Variants in ARHGEF28 observed in about 807,000 individuals in gnomAD.
ARHGEF28 encodes the protein Rho guanine nucleotide exchange factor 28.
ARHGEF28 carries 152 observed loss-of-function variants against 206.6 expected under a neutral mutation model. The ratio of observed to expected loss-of-function variants is 0.74; its 90% CI spans 0.64 to 0.84. ARHGEF28 has a LOEUF of 0.84. Ranked by LOEUF, ARHGEF28 falls within the 40% of genes least tolerant of loss-of-function variation. ARHGEF28 has a pLI of 0.00. For missense variants in ARHGEF28, 2,028 were observed against 2,073.2 expected (o/e 0.98, Z 0.42); for synonymous variants, 763 against 776.4 (o/e 0.98, Z 0.29).
At chr5:73,900,973 G>T in intron 30 of ARHGEF28, 1 of 464,996 alleles carries the variant, frequency 2.2e-6, no homozygotes, top group Non-Finnish European at 4.0e-6. Flanking sequence ...TTCGTCAGTT[G>T]CTGTCTGTTA....
At chr5:73,900,331 T>A (rs893490464) in intron 30 of ARHGEF28, 3 of 152,236 alleles carry the variant, frequency 2.0e-5, no homozygotes, top group African/African-American at 7.2e-5. Flanking sequence ...GGATTGGACA[T>A]GGTTCTAATA....
intron 9 of ARHGEF28, among the ~76,000 whole-genome samples, chr5:73,827,645 C>G (rs1756995929): frequency 1.3e-5 from 2 of 152,194 alleles, no homozygotes; most frequent in South Asian, 4.1e-4. Context: ...ATGCTTTTAA[C>G]CACTGCAACA....
chr5:73,910,619 A>G (rs1762845423), intron 34 of ARHGEF28, among the ~76,000 whole-genome samples: 1 of 152,142 alleles, frequency 6.6e-6, no homozygotes, highest in African/African-American at 2.4e-5. Context: ...TAGCTTTTAG[A>G]AGATCAATTA....
At chr5:73,645,084 G>A (rs1744348165) in intron 1 of ARHGEF28, among the ~76,000 whole-genome samples, 1 of 152,186 alleles carries the variant, frequency 6.6e-6, no homozygotes, top group South Asian at 2.1e-4. Context: ...AGGTAGGTCA[G>A]ATTTGATCGT....
chr5:73,654,526 G>T (rs1158581354), intron 1 of ARHGEF28, among the ~76,000 whole-genome samples: 2 of 152,174 alleles, frequency 1.3e-5, no homozygotes, highest in East Asian at 1.9e-4. Flanking sequence ...GTCTGAAAGT[G>T]GGGGGACCAG....
chr5:73,649,530 G>A (rs1256833787), intron 1 of ARHGEF28, among the ~76,000 whole-genome samples: 3 of 152,238 alleles, frequency 2.0e-5, no homozygotes, highest in African/African-American at 7.2e-5. Context: ...TATCAATCAC[G>A]AAATTGGAGC....
At chr5:73,763,842 G>T (rs1046683126) in intron 4 of ARHGEF28, among the ~76,000 whole-genome samples, 4 of 152,182 alleles carry the variant, frequency 2.6e-5, no homozygotes, top group African/African-American at 9.7e-5. Flanking sequence ...TGGGATTACA[G>T]CACATTTGTC....
At chr5:73,923,247 G>GCATAAACCAAAAC in intron 35 of ARHGEF28, 1 of 1,281,570 alleles carries the variant, frequency 7.8e-7, no homozygotes, top group Non-Finnish European at 1.1e-6. Flanking sequence ...AAAATGTTTT[G>GCATAAACCAAAAC]GTTTATGCTA....
chr5:73,825,459 G>T (rs1167156795), intron 9 of ARHGEF28, among the ~76,000 whole-genome samples: 2 of 152,186 alleles, frequency 1.3e-5, no homozygotes, highest in African/African-American at 4.8e-5. Flanking sequence ...GGCTGGGAGA[G>T]AGTGGAGGAG....
chr5:73,676,669 C>G (rs567744706), intron 1 of ARHGEF28, among the ~76,000 whole-genome samples: 1 of 152,128 alleles, frequency 6.6e-6, no homozygotes, highest in Admixed American at 6.5e-5. Context: ...TCTTTGAGAC[C>G]TTTGTCTTAT....
At chr5:73,768,441 G>T (rs1318649586) in intron 4 of ARHGEF28, among the ~76,000 whole-genome samples, 1 of 152,210 alleles carries the variant, frequency 6.6e-6, no homozygotes, top group Non-Finnish European at 1.5e-5. Context: ...TTGCATCAGT[G>T]TGACCTGGAT....
At chr5:73,633,811 A>G (rs1203841601) in intron 1 of ARHGEF28, among the ~76,000 whole-genome samples, 1 of 152,002 alleles carries the variant, frequency 6.6e-6, no homozygotes, top group East Asian at 1.9e-4. Flanking sequence ...TCCTGATCTC[A>G]GGTGATCTAC....
At chr5:73,813,382 A>T in intron 9 of ARHGEF28, 1 of 1,025,814 alleles carries the variant, frequency 9.7e-7, no homozygotes, top group Non-Finnish European at 1.3e-6. Context: ...TTTAATATTT[A>T]CAGCCTCCTT....
intron 22 of ARHGEF28, among the ~76,000 whole-genome samples, chr5:73,878,068 T>C (rs1338554546): frequency 6.6e-6 from 1 of 152,168 alleles, no homozygotes; most frequent in African/African-American, 2.4e-5. Flanking sequence ...TAAGTCTCTT[T>C]GTAGGTCACT....
At chr5:73,789,342 A>G (rs1437731057) in intron 7 of ARHGEF28, among the ~76,000 whole-genome samples, 1 of 152,208 alleles carries the variant, frequency 6.6e-6, no homozygotes, top group Non-Finnish European at 1.5e-5. Context: ...AGAATAGGCA[A>G]TTCTGTTGAG....
At chr5:73,698,396 C>T (rs1748354457) in intron 2 of ARHGEF28, among the ~76,000 whole-genome samples, 1 of 152,070 alleles carries the variant, frequency 6.6e-6, no homozygotes, top group Non-Finnish European at 1.5e-5. Context: ...TTGTTGCTTT[C>T]CTCTGATGGA....
chr5:73,799,583 T>C (rs1434820544), intron 9 of ARHGEF28, among the ~76,000 whole-genome samples: 1 of 152,214 alleles, frequency 6.6e-6, no homozygotes, highest in Non-Finnish European at 1.5e-5. Flanking sequence ...ACAGACCAGA[T>C]GTGGTGACAC....
chr5:73,895,366 A>G (rs1761903399), intron 29 of ARHGEF28, among the ~76,000 whole-genome samples: 1 of 152,086 alleles, frequency 6.6e-6, no homozygotes, highest in South Asian at 2.1e-4. Flanking sequence ...TTTTGACAGG[A>G]TTAGCGCTAG....
chr5:73,898,937 AGAAGATTAAATTGAACTCAAGATTG>A (rs1215818617), intron 30 of ARHGEF28: 9 of 152,250 alleles, frequency 5.9e-5, no homozygotes, highest in Non-Finnish European at 1.2e-4. Context: ...GTTAGAGATC[AGAAGATTAAATTGAACTCAAGATTG>A]GAAGATTAAA....
Sources: allele counts gnomAD v4.1 joint callset (sites outside exome capture counted in the v4.1 genomes callset), GRCh38; gene constraint gnomAD v4.1.1; transcripts MANE v1.5; gene names NCBI Gene and HGNC (gene_info 2026-07-23, HGNC 2026-07-21).